RNF220: variants seen among roughly 807,000 people sequenced by gnomAD.
RNF220 encodes the protein ring finger protein 220, also known as E3 ubiquitin-protein ligase RNF220.
In RNF220, 7 loss-of-function variants were observed where a neutral mutation model predicts 67.1. That is an observed-to-expected ratio of 0.10 (90% confidence interval 0.06 to 0.20). RNF220 has a LOEUF of 0.20. Among genes scored for constraint, RNF220 ranks in the 10% least tolerant of loss-of-function variants. The probability of loss-of-function intolerance (pLI) is 1.00; values close to 1 mark genes in which losing one functional copy is unlikely to be tolerated. For synonymous variants in RNF220, 270 were observed against 283.2 expected (o/e 0.95, Z 0.47); for missense variants, 565 against 740.3 (o/e 0.76, Z 2.75).
chr1:44,427,586 C>G (rs1649923969), intron 2 of RNF220, among the ~76,000 whole-genome samples: 3 of 152,144 alleles, frequency 2.0e-5, no homozygotes, highest in Admixed American at 2.0e-4. Context: ...CAAACATACC[C>G]TTTGGTGGGA....
At chr1:44,435,396 T>A (rs945500459) in intron 2 of RNF220, among the ~76,000 whole-genome samples, 1 of 152,208 alleles carries the variant, frequency 6.6e-6, no homozygotes, top group African/African-American at 2.4e-5. Context: ...AATGTATTTA[T>A]AACATGGTGC....
At chr1:44,552,718 C>A (rs961697958) in intron 2 of RNF220, among the ~76,000 whole-genome samples, 2 of 151,638 alleles carry the variant, frequency 1.3e-5, no homozygotes, top group Admixed American at 6.6e-5. Flanking sequence ...CTACGGGCAC[C>A]CGCCACCACG....
At chr1:44,610,826 G>A (rs1165431056) in intron 2 of RNF220, among the ~76,000 whole-genome samples, 1 of 152,180 alleles carries the variant, frequency 6.6e-6, no homozygotes, top group Non-Finnish European at 1.5e-5. Flanking sequence ...TTCCTCCCAA[G>A]CCTAGGAAGA....
At chr1:44,461,924 GTTTTTTTT>G (rs201661366) in intron 2 of RNF220, among the ~76,000 whole-genome samples, 2,884 of 123,512 alleles carry the variant, frequency 0.023, 44 homozygotes, top group South Asian at 0.057. Flanking sequence ...TTTTTTCTTT[GTTTTTTTT>G]TTTTTTTTTT....
chr1:44,558,642 A>C (rs903892360), intron 2 of RNF220, among the ~76,000 whole-genome samples: 1 of 152,210 alleles, frequency 6.6e-6, no homozygotes, highest in Non-Finnish European at 1.5e-5. Context: ...ATGATAAATG[A>C]AGCAGAGAGG....
chr1:44,632,394 T>C lies in RNF220; in HGVS notation c.949+9T>C, dbSNP rs1644174804. On this transcript the variant is annotated intron_variant, in intron 6 of 14. Transcript: ENST00000361799. ...GCAGACCCGACTGAATGGTGAGTCC[T>C]GCCCGGCCCCTCCCTCCGCCCCACC... 3 of 1,612,178 alleles carry C rather than the reference T, an allele frequency of 1.9e-6. No individual in the cohort carries two copies. Among genetic ancestry groups the C allele is most frequent in the Non-Finnish European group, 2.5e-6 (3 of 1,179,400 alleles).
intron 6 of RNF220, chr1:44,632,708 A>C: frequency 2.0e-6 from 1 of 489,684 alleles, no homozygotes; most frequent in Non-Finnish European, 3.7e-6. Context: ...AACTGCTGGG[A>C]CCTCACTATA....
At chr1:44,635,767 G>T in intron 7 of RNF220, 179 bp downstream of exon 7, 1 of 1,427,178 alleles carries the variant, frequency 7.0e-7, no homozygotes. Context: ...TCTCCATGTG[G>T]TCTCAGCAGC....
chr1:44,513,417 C>T (rs1377445942), intron 2 of RNF220, among the ~76,000 whole-genome samples: 1 of 152,166 alleles, frequency 6.6e-6, no homozygotes, highest in Non-Finnish European at 1.5e-5. Flanking sequence ...TTTCTCTCTC[C>T]TCCTCTCTCT....
intron 2 of RNF220, among the ~76,000 whole-genome samples, chr1:44,479,667 C>G (rs931121120): frequency 1.3e-5 from 2 of 152,206 alleles, no homozygotes; most frequent in Non-Finnish European, 2.9e-5. Context: ...TCTTGCCGCA[C>G]TCTGGATTAG....
At chr1:44,631,781 G>A (rs935310979) in intron 5 of RNF220, 2 of 454,562 alleles carry the variant, frequency 4.4e-6, no homozygotes, top group African/African-American at 4.3e-5. Context: ...CGTGGAGTGG[G>A]GTGGAAGGAC....
At chr1:44,428,031 T>G (rs1395750762) in intron 2 of RNF220, among the ~76,000 whole-genome samples, 5 of 152,154 alleles carry the variant, frequency 3.3e-5, no homozygotes, top group Admixed American at 1.3e-4. Flanking sequence ...CCAATTGATA[T>G]TCAGGAGTTG....
intron 9 of RNF220, 43 bp from the exon 10 acceptor site, chr1:44,644,952 C>G (rs1178237012): frequency 6.2e-7 from 1 of 1,605,402 alleles, no homozygotes; most frequent in Non-Finnish European, 8.5e-7. Flanking sequence ...ACCCTCATAG[C>G]CTGCTGCAAA....
intron 2 of RNF220, among the ~76,000 whole-genome samples, chr1:44,471,911 C>T (rs1184746806): frequency 1.3e-5 from 2 of 152,190 alleles, no homozygotes; most frequent in Non-Finnish European, 2.9e-5. Flanking sequence ...CACTAATCTG[C>T]TTACCATCTC....
intron 2 of RNF220, among the ~76,000 whole-genome samples, chr1:44,571,928 G>A (rs1014313490): frequency 3.3e-5 from 5 of 151,888 alleles, no homozygotes; most frequent in Admixed American, 6.6e-5. Flanking sequence ...CCTAAATTCC[G>A]TTCATCCTAC....
At chr1:44,517,346 C>T (rs1005999928) in intron 2 of RNF220, among the ~76,000 whole-genome samples, 1 of 152,160 alleles carries the variant, frequency 6.6e-6, no homozygotes, top group Non-Finnish European at 1.5e-5. Flanking sequence ...CTGCCCAGTT[C>T]CCTCTCTCCA....
At chr1:44,543,629 C>T (rs1468241245) in intron 2 of RNF220, among the ~76,000 whole-genome samples, 2 of 151,826 alleles carry the variant, frequency 1.3e-5, no homozygotes, top group Non-Finnish European at 1.5e-5. Context: ...ACGTGGAAGC[C>T]GTGTGTGCAT....
chr1:44,592,901 T>C (rs1196111129), intron 2 of RNF220, among the ~76,000 whole-genome samples: 5 of 152,164 alleles, frequency 3.3e-5, no homozygotes, highest in African/African-American at 4.8e-5. Context: ...CTGCCTACAA[T>C]GGAGCCACCA....
chr1:44,454,053 A>G (rs1434683370), intron 2 of RNF220, among the ~76,000 whole-genome samples: 1 of 152,122 alleles, frequency 6.6e-6, no homozygotes, highest in Non-Finnish European at 1.5e-5. Flanking sequence ...AAGAGTCAAA[A>G]CATCTTAGTA....
Sources: gnomAD v4.1 joint callset for allele counts (sites outside exome capture counted in the v4.1 genomes callset) on GRCh38, gnomAD v4.1.1 for gene constraint, MANE v1.5 for transcripts, NCBI Gene and HGNC (gene_info 2026-07-23, HGNC 2026-07-21) for gene names.